MCUB: variants seen among roughly 807,000 people sequenced by gnomAD.
The protein encoded by MCUB is calcium uniporter regulatory subunit MCUb, mitochondrial.
Under a neutral mutation model 41.4 loss-of-function variants are expected in MCUB, and 46 were observed. The observed-to-expected ratio is 1.11, with a 90% CI of 0.88 to 1.42. The LOEUF (loss-of-function observed/expected upper bound fraction) is 1.42, where lower values mean the gene tolerates loss of function less well. MCUB is among the 40% of genes most tolerant of loss of function. The probability of loss-of-function intolerance (pLI) is 0.00; values close to 1 mark genes in which losing one functional copy is unlikely to be tolerated. For missense variants in MCUB, 403 were observed against 404.9 expected (o/e 1.00, Z 0.04); for synonymous variants, 148 against 148.2 (o/e 1.00, Z 0.01).
chr4:109,586,764 G>T (rs1727315964), intron 1 of MCUB, among the ~76,000 whole-genome samples: 1 of 152,214 alleles, frequency 6.6e-6, no homozygotes, highest in African/African-American at 2.4e-5. Flanking sequence ...GACCCTGTTT[G>T]CCTGGGTATC....
At chr4:109,594,627 C>A (rs973309383) in intron 1 of MCUB, among the ~76,000 whole-genome samples, 2 of 151,896 alleles carry the variant, frequency 1.3e-5, no homozygotes, top group South Asian at 4.2e-4. Flanking sequence ...CCACTGCACT[C>A]CAGCCTGGGT....
rs148024503 is a variant in MCUB, at chr4:109,626,288, T to A, written c.100-32723T>A. 1.4e-4 allele frequency among the ~76,000 whole-genome samples: 22 copies of A among 152,310 alleles called. No individual in the cohort carries two copies. In the East Asian group the frequency reaches 4.2e-3, roughly 29 times the overall value. ...AAATTTACAAGAAAAAAAGTTCTTA[T>A]CACAAATTTTCTTTTCCAGTGATTA... On this transcript the variant is annotated intron_variant, in intron 1 of 7. Transcript: ENST00000394650.
At chr4:109,639,864 A>G (rs1728675621) in intron 1 of MCUB, among the ~76,000 whole-genome samples, 1 of 152,174 alleles carries the variant, frequency 6.6e-6, no homozygotes, top group Non-Finnish European at 1.5e-5. Flanking sequence ...CAGATGCATT[A>G]TTAGCCCCTA....
chr4:109,575,817 TTATAA>T (rs1727013675), intron 1 of MCUB, among the ~76,000 whole-genome samples: 1 of 152,232 alleles, frequency 6.6e-6, no homozygotes, highest in South Asian at 2.1e-4. Flanking sequence ...ATTATTAATA[TTATAA>T]TAGCATAGTA....
chr4:109,630,430 C>T (rs1423506522), intron 1 of MCUB, among the ~76,000 whole-genome samples: 1 of 152,098 alleles, frequency 6.6e-6, no homozygotes, highest in Non-Finnish European at 1.5e-5. Flanking sequence ...CCTCTACATT[C>T]CAGCCTGGGT....
chr4:109,579,060 A>C (rs1001052266), intron 1 of MCUB, among the ~76,000 whole-genome samples: 3 of 152,140 alleles, frequency 2.0e-5, no homozygotes, highest in Non-Finnish European at 4.4e-5. Flanking sequence ...CTGATACACT[A>C]TACAGGGCAT....
At chr4:109,686,449 A>G (rs940548049) in intron 7 of MCUB, among the ~76,000 whole-genome samples, 1 of 152,218 alleles carries the variant, frequency 6.6e-6, no homozygotes, top group Non-Finnish European at 1.5e-5. Context: ...AAGCCTTTTT[A>G]AAAAATGTAT....
At chr4:109,560,562 C>T (rs1326693311) in intron 1 of MCUB, 126 bp downstream of exon 1, 1 of 469,920 alleles carries the variant, frequency 2.1e-6, no homozygotes, top group South Asian at 1.1e-4. Flanking sequence ...CTGCCGGGCT[C>T]CGCGCGCCGG....
At chr4:109,627,789 T>G (rs1253001083) in intron 1 of MCUB, among the ~76,000 whole-genome samples, 2 of 152,000 alleles carry the variant, frequency 1.3e-5, no homozygotes, top group Non-Finnish European at 2.9e-5. Flanking sequence ...GGTGCGCACC[T>G]GTAATCCCAG....
chr4:109,669,386 C>CT (rs565271313), intron 4 of MCUB, among the ~76,000 whole-genome samples: 71 of 151,306 alleles, frequency 4.7e-4, no homozygotes, highest in Non-Finnish European at 8.0e-4. Context: ...GGTTTAATTT[C>CT]TTTTTTTTTC....
intron 1 of MCUB, among the ~76,000 whole-genome samples, chr4:109,634,846 C>G (rs992061655): frequency 1.5e-4 from 23 of 152,130 alleles, no homozygotes; most frequent in African/African-American, 4.3e-4. Flanking sequence ...GATACATGTG[C>G]AGAACATGCA....
intron 1 of MCUB, among the ~76,000 whole-genome samples, chr4:109,561,292 G>T (rs1331833875): frequency 2.0e-5 from 3 of 152,202 alleles, no homozygotes; most frequent in Non-Finnish European, 4.4e-5. Flanking sequence ...ATTACTTTCA[G>T]ATTGTTAAAG....
At chr4:109,574,518 G>A (rs1726985903) in intron 1 of MCUB, among the ~76,000 whole-genome samples, 1 of 152,128 alleles carries the variant, frequency 6.6e-6, no homozygotes, top group South Asian at 2.1e-4. Context: ...GAACACACCC[G>A]AACCAGGAAG....
chr4:109,594,463 C>T (rs1727508859), intron 1 of MCUB, among the ~76,000 whole-genome samples: 1 of 152,178 alleles, frequency 6.6e-6, no homozygotes, highest in South Asian at 2.1e-4. Flanking sequence ...GAGGACCAGC[C>T]TGGCCAATAT....
chr4:109,598,391 A>G (rs1414552681), intron 1 of MCUB, among the ~76,000 whole-genome samples: 25 of 152,218 alleles, frequency 1.6e-4, no homozygotes, highest in South Asian at 2.1e-4. Flanking sequence ...TTAGGAGCTG[A>G]AGACCGGCCA....
intron 1 of MCUB, among the ~76,000 whole-genome samples, chr4:109,624,119 C>CT (rs1331875744): frequency 6.6e-6 from 1 of 152,168 alleles, no homozygotes; most frequent in Non-Finnish European, 1.5e-5. Context: ...TCCCAGAGCA[C>CT]TAGGATTATA....
At chr4:109,674,668 A>G (rs2126149004) in intron 4 of MCUB, among the ~76,000 whole-genome samples, 1 of 152,396 alleles carries the variant, frequency 6.6e-6, no homozygotes, top group South Asian at 2.1e-4. Flanking sequence ...ATAGAGCTGC[A>G]TAATATTAGT....
chr4:109,658,386 C>T lies in MCUB; in HGVS notation c.100-625C>T, dbSNP rs567690941. ...GATCTTGGCTCACGGCAAACTCCAC[C>T]TCCCGGGTTCAAGTGATTCTCCTGC... On this transcript the variant is annotated intron_variant, in intron 1 of 7. Transcript: ENST00000394650. Among the ~76,000 whole-genome samples, 25 of 152,152 alleles carry T rather than the reference C, an allele frequency of 1.6e-4. 1 individual carries two copies. The South Asian group carries it at 4.8e-3, about 29-fold the overall frequency.
chr4:109,608,667 A>G (rs1350864859), intron 1 of MCUB, among the ~76,000 whole-genome samples: 2 of 151,168 alleles, frequency 1.3e-5, no homozygotes, highest in Admixed American at 6.6e-5. Flanking sequence ...TTGTATTATT[A>G]TTATTGTTTT....
Sources: allele counts gnomAD v4.1 joint callset (sites outside exome capture counted in the v4.1 genomes callset), GRCh38; gene constraint gnomAD v4.1.1; transcripts MANE v1.5; gene names NCBI Gene and HGNC (gene_info 2026-07-23, HGNC 2026-07-21).